The following ARID4B variants were observed in gnomAD, a reference collection of about 807,000 sequenced individuals.
The protein encoded by ARID4B is AT-rich interaction domain 4B, also known as AT-rich interactive domain-containing protein 4B.
A neutral mutation model predicts 147.5 loss-of-function variants in ARID4B; 26 were observed. The ratio of observed to expected loss-of-function variants is 0.18; its 90% confidence interval spans 0.13 to 0.24. ARID4B has a LOEUF of 0.24. Among genes scored for constraint, ARID4B ranks in the 10% least tolerant of loss-of-function variants. The pLI, the probability that ARID4B is intolerant of heterozygous loss-of-function variation, is 1.00. For missense variants in ARID4B, 1,179 were observed against 1,511.5 expected (o/e 0.78, Z 3.65); for synonymous variants, 512 against 507.9 (o/e 1.01, Z -0.11).
chr1:235,222,649 G>A (rs1222230130), intron 13 of ARID4B, among the ~76,000 whole-genome samples: 4 of 149,112 alleles, frequency 2.7e-5, no homozygotes, highest in Non-Finnish European at 1.5e-5. Context: ...CAATTTAACA[G>A]TAATCAGAAA....
At chr1:235,187,408 G>C (rs1664772730) in intron 19 of ARID4B, among the ~76,000 whole-genome samples, 1 of 152,132 alleles carries the variant, frequency 6.6e-6, no homozygotes, top group Non-Finnish European at 1.5e-5. Context: ...AGATACTGTA[G>C]GTTCTCTGAG....
intron 21 of ARID4B, chr1:235,176,881 A>T (rs1469124501): frequency 2.1e-6 from 1 of 471,164 alleles, no homozygotes; most frequent in East Asian, 6.9e-5. Context: ...CTGGAAGAGC[A>T]GCAGGAGGTC....
At chr1:235,247,400 A>G (rs904242484) in intron 6 of ARID4B, among the ~76,000 whole-genome samples, 2 of 152,248 alleles carry the variant, frequency 1.3e-5, no homozygotes, top group Non-Finnish European at 2.9e-5. Flanking sequence ...CAATTTTGTT[A>G]TAACTACAAT....
chr1:235,200,187 G>T (rs772980167), intron 17 of ARID4B, among the ~76,000 whole-genome samples: 4 of 152,026 alleles, frequency 2.6e-5, no homozygotes, highest in Non-Finnish European at 4.4e-5. Context: ...GGGCGCAGTG[G>T]CTCATGCCTG....
Position 235,182,540 on chromosome 1 carries a change from A to G in ARID4B, c.2379T>C (p.Thr793=), listed in dbSNP as rs756260247. 1.2e-6 allele frequency: 2 copies of G among 1,612,980 alleles called. No homozygotes were observed. Among genetic ancestry groups the G allele is most frequent in the Non-Finnish European group, 1.7e-6 (2 of 1,179,824 alleles). The part of the protein sequence containing the change: ...RKDIEVLSED[T]DYEEDEVTKK... ...TTGTGACTTCATCTTCTTCATAATC[A>G]GTATCTTCGGATAATACTTCTATAT... Residue 793 remains threonine (T), a synonymous_variant, in exon 20 of 24, where the codon ACT becomes ACC. Coordinates refer to ENST00000264183, the MANE Select transcript of ARID4B (RefSeq NM_016374.6).
rs775477456 is a variant in ARID4B at position 235,182,176 on chromosome 1, T to C, written c.2743A>G (p.Arg915Gly). 1.4e-5 allele frequency: 23 copies of C among 1,614,122 alleles called. No individual in the cohort carries two copies. In the East Asian group the frequency reaches 4.2e-4, roughly 30 times the overall value. The change falls in exon 20 of 24, where the codon AGA becomes GGA. Residue 915 changes from arginine (R) to glycine (G), a missense_variant. Physicochemically the swap from Arg to Gly is moderately radical, Grantham distance 125. Around this residue, in one of 10 missense-constraint regions of ARID4B, gnomAD observed 321 missense variants for 342.4 expected, o/e 0.94. Coordinates refer to ENST00000264183, the MANE Select transcript of ARID4B (RefSeq NM_016374.6). Reference sequence around the variant, plus strand: ...TCTTTGGCCCTGCTGTTTTGAAGTCTTTCATCAGAGTTATTTAAAAGTTTA... The same window carrying C: ...TCTTTGGCCCTGCTGTTTTGAAGTCCTTCATCAGAGTTATTTAAAAGTTTA... ...RIKLLNNSDE[R>G]LQNSRAKDRK... is the part of the protein sequence containing the mutation.
chr1:235,327,111 A>G lies in ARID4B; in HGVS notation c.-49-143T>C. 4.9e-6 allele frequency: 3 copies of G among 607,120 alleles called. No homozygotes were observed. The South Asian group carries it at 5.9e-5, about 12-fold the overall frequency. 37.6% of individuals were successfully genotyped at this position (607,120 alleles called of 1,614,324 possible). On this transcript the variant is annotated intron_variant, in intron 1 of 23. Coordinates refer to ENST00000264183, the MANE Select transcript of ARID4B (RefSeq NM_016374.6). Reference sequence around the variant, plus strand: ...CCAGCCCCCGAACCATCACACGCCGACTCGGGGCTCCCTCCGGCCCCGCCA... The same window carrying G: ...CCAGCCCCCGAACCATCACACGCCGGCTCGGGGCTCCCTCCGGCCCCGCCA...
chr1:235,176,689 C>A (rs1418722170), intron 21 of ARID4B: 1 of 365,280 alleles, frequency 2.7e-6, no homozygotes, highest in Non-Finnish European at 5.4e-6. Context: ...CTGTCTCAGC[C>A]TGGCTTTCAT....
At chr1:235,236,833 A>ATATATATATATATATATATATATATGT (rs1668597409) in intron 8 of ARID4B, among the ~76,000 whole-genome samples, 1 of 33,522 alleles carries the variant, frequency 3.0e-5, no homozygotes, top group African/African-American at 1.5e-4. Flanking sequence ...TTTTATAAAA[A>ATATATATATATATATATATATATATGT]ATATATATAT....
At position 235,181,615 on chromosome 1, in the gene ARID4B, T is replaced by G. The variant is rs770467318; in HGVS notation, c.3304A>C (p.Asn1102His). 3 of 1,613,578 alleles carry G rather than the reference T, an allele frequency of 1.9e-6. No homozygotes were observed. Among genetic ancestry groups the G allele is most frequent in the Non-Finnish European group, 1.7e-6 (2 of 1,180,030 alleles). Reference protein sequence around the residue: ...FDASVSSSSSNQPEPEHPEKA... With the variant: ...FDASVSSSSSHQPEPEHPEKA... ...TCAGGATGTTCTGGTTCTGGCTGAT[T>G]ACTACTGCTTGAGCTCACACTGGCA... Residue 1102 changes from asparagine to histidine, a missense_variant, in exon 20 of 24, where the codon AAT (asparagine) becomes CAT (histidine). Asn to His is a moderately conservative substitution (Grantham distance 68, BLOSUM62 1). Coordinates refer to ENST00000264183, the MANE Select transcript of ARID4B (RefSeq NM_016374.6).
At chr1:235,289,201 G>A (rs1672170637) in intron 2 of ARID4B, among the ~76,000 whole-genome samples, 2 of 152,032 alleles carry the variant, frequency 1.3e-5, no homozygotes, top group African/African-American at 4.8e-5. Flanking sequence ...ATCCTGGAAG[G>A]GAATTCAATG....
At chr1:235,221,688 T>TAAATTAAATTAA in intron 13 of ARID4B, 26 bp from the exon 14 acceptor site, 1 of 1,347,130 alleles carries the variant, frequency 7.4e-7, no homozygotes, top group Non-Finnish European at 1.1e-6. Flanking sequence ...AAACAAAAAC[T>TAAATTAAATTAA]CTCAAATTAA....
intron 2 of ARID4B, among the ~76,000 whole-genome samples, chr1:235,325,145 A>G (rs1268943629): frequency 1.3e-5 from 2 of 152,288 alleles, no homozygotes; most frequent in South Asian, 2.1e-4. Flanking sequence ...TATACTTATA[A>G]TAACAGGAAG....
chr1:235,197,452 C>T (rs1665580015), intron 17 of ARID4B, among the ~76,000 whole-genome samples: 1 of 152,186 alleles, frequency 6.6e-6, no homozygotes, highest in South Asian at 2.1e-4. Context: ...GGCAGTTACT[C>T]TGCTGGTACA....
chr1:235,195,463 T>A (rs1665427690), intron 18 of ARID4B, among the ~76,000 whole-genome samples: 1 of 151,718 alleles, frequency 6.6e-6, no homozygotes. Context: ...TGTGGTGGTG[T>A]GTGCCTGTAA....
chr1:235,216,424 TG>T (rs1667084631), intron 16 of ARID4B, among the ~76,000 whole-genome samples: 1 of 152,072 alleles, frequency 6.6e-6, no homozygotes, highest in Non-Finnish European at 1.5e-5. Context: ...CTCAGCTCAC[TG>T]CAACCTCCGT....
intron 2 of ARID4B, among the ~76,000 whole-genome samples, chr1:235,265,583 T>G (rs1670548998): frequency 6.6e-6 from 1 of 151,436 alleles, no homozygotes. Context: ...CTTGTAGTCC[T>G]GGCTATGAGG....
intron 9 of ARID4B, among the ~76,000 whole-genome samples, chr1:235,233,748 T>C (rs1197657465): frequency 6.6e-6 from 1 of 152,160 alleles, no homozygotes; most frequent in Non-Finnish European, 1.5e-5. Context: ...AATTCCTAAT[T>C]AGACCATCAA....
At chr1:235,258,579 A>G (rs1306893262) in intron 3 of ARID4B, among the ~76,000 whole-genome samples, 1 of 152,232 alleles carries the variant, frequency 6.6e-6, no homozygotes, top group East Asian at 1.9e-4. Context: ...TACTCAGTAT[A>G]GAAAACAATT....
Sources: allele counts gnomAD v4.1 joint callset (sites outside exome capture counted in the v4.1 genomes callset), GRCh38; gene constraint gnomAD v4.1.1; regional missense constraint gnomAD v4.1.1; transcripts MANE v1.5; gene names NCBI Gene and HGNC (gene_info 2026-07-23, HGNC 2026-07-21).